The following FAN1 variants were observed in gnomAD, a reference collection of about 807,000 sequenced individuals.
The protein encoded by FAN1 is FANCD2 and FANCI associated nuclease 1.
A neutral mutation model predicts 104.9 loss-of-function variants in FAN1; 91 were observed. That is an observed-to-expected ratio of 0.87 (90% CI 0.73 to 1.03). The LOEUF is 1.03. Among genes scored for constraint, FAN1 ranks in the 50% least tolerant of loss-of-function variants. The pLI, the probability that FAN1 is intolerant of heterozygous loss-of-function variation, is 0.00. For synonymous variants in FAN1, 478 were observed against 457.6 expected (o/e 1.04, Z -0.57); for missense variants, 1,263 against 1,239.9 (o/e 1.02, Z -0.28).
Position 30,930,593 on chromosome 15 carries a change from C to A in FAN1, c.2838C>A (p.His946Gln). The A allele has an allele frequency of 6.2e-7, 1 of 1,612,964 alleles. No homozygotes were observed. Among genetic ancestry groups the A allele is most frequent in the Non-Finnish European group, 8.5e-7 (1 of 1,179,602 alleles). Residue 946 changes from histidine (H) to glutamine (Q), a missense_variant, in exon 13 of 15, where the codon CAC becomes CAA. Coordinates refer to ENST00000362065, the MANE Select transcript of FAN1 (RefSeq NM_014967.5). Reference protein sequence around the residue: ...GGPVLSGVCRHLAADFRHCRG... With the variant: ...GGPVLSGVCRQLAADFRHCRG... ...CTGTGCTCAGTGGTGTGTGCAGGCA[C>A]CTGGCTGCTGACTTTCGACACTGTC...
chr15:30,918,452 T>A (rs1222792251), intron 6 of FAN1, among the ~76,000 whole-genome samples, 157 bp downstream of exon 6: 6 of 152,218 alleles, frequency 3.9e-5, no homozygotes, highest in African/African-American at 1.4e-4. Context: ...AGAATGAAAG[T>A]GCTGTGTGAA....
intron 14 of FAN1, 143 bp from the exon 15 acceptor site, chr15:30,941,423 G>A (rs754509244): frequency 6.4e-7 from 1 of 1,565,774 alleles, no homozygotes; most frequent in Non-Finnish European, 8.6e-7. Flanking sequence ...TAATTCAGAG[G>A]AAAAAAGTTG....
intron 10 of FAN1, 29 bp from the exon 11 acceptor site, chr15:30,928,524 G>GTGTC: frequency 1.2e-6 from 2 of 1,610,686 alleles, no homozygotes; most frequent in South Asian, 1.1e-5. Context: ...GTGTGTGTGT[G>GTGTC]TGTGTGTGTG....
chr15:30,918,598 G>T (rs1047132380), intron 6 of FAN1, among the ~76,000 whole-genome samples: 1 of 152,158 alleles, frequency 6.6e-6, no homozygotes, highest in Non-Finnish European at 1.5e-5. Context: ...CTGGTGAGCT[G>T]AACTGAAACG....
chr15:30,908,119 T>C lies in FAN1; in HGVS notation c.1236T>C (p.Ala412=), dbSNP rs761736097. Residue 412 remains alanine, a splice_region_variant and synonymous_variant, in exon 3 of 15, where the codon GCT becomes GCC. Transcript: ENST00000362065. ...GIVTKFYQLS[A]TGQKLYVRLF... is the part of the protein sequence containing the mutation. ...ACATTTTTCTTAACTTTATTGCAGCTACTGGTCAGAAGTTATATGTAAGGC... is the reference window on the plus strand; with the variant it reads ...ACATTTTTCTTAACTTTATTGCAGCCACTGGTCAGAAGTTATATGTAAGGC... 6.9e-6 allele frequency: 11 copies of C among 1,594,572 alleles called. No individual in the cohort carries two copies. In the Admixed American group the frequency reaches 1.5e-4, roughly 21 times the overall value.
At position 30,941,599 on chromosome 15, in the gene FAN1, G is replaced by A. The variant is rs912300426; in HGVS notation, c.*37G>A. 4 of 1,599,686 alleles carry A rather than the reference G, an allele frequency of 2.5e-6. No individual in the cohort carries two copies. Among genetic ancestry groups the A allele is most frequent in the African/African-American group, 2.7e-5 (2 of 74,780 alleles). On this transcript the variant is annotated 3_prime_UTR_variant, in exon 15 of 15. Transcript: ENST00000362065. ...CAGGAGAAAATGGAAATGAGGAGGA[G>A]AGAAACTCCGGTGTCCCCGAGGTGT... is the stretch of plus-strand genomic sequence containing the variant.
chr15:30,914,194 A>G, intron 5 of FAN1, 103 bp downstream of exon 5: 2 of 783,730 alleles, frequency 2.6e-6, no homozygotes, highest in Non-Finnish European at 4.1e-6. Flanking sequence ...TTAAGTCCAC[A>G]GCCAAAACAG....
rs1261845817 is a variant in FAN1, at chr15:30,905,818, C to T, written c.1155C>T (p.Thr385=). The T allele has an allele frequency of 1.2e-5, 19 of 1,613,964 alleles. No homozygotes were observed. Among genetic ancestry groups the T allele is most frequent in the African/African-American group, 6.7e-5 (5 of 74,902 alleles). ...YLRSFLVVLK[T]VLENEDDMLL... ...GGAGTTTCCTTGTGGTGCTGAAAAC[C>T]GTACTTGAGAATGAAGATGATATGT... The change falls in exon 2 of 15, where the codon ACC becomes ACT. Residue 385 remains threonine, a synonymous_variant. Coordinates refer to ENST00000362065, the MANE Select transcript of FAN1 (RefSeq NM_014967.5).
chr15:30,931,393 T>C (rs1469472812), intron 13 of FAN1, among the ~76,000 whole-genome samples: 2 of 152,252 alleles, frequency 1.3e-5, no homozygotes, highest in Non-Finnish European at 1.5e-5. Flanking sequence ...TTTCATTTTC[T>C]TAATAGTGTC....
chr15:30,919,345 A>C (rs112073167), intron 6 of FAN1, among the ~76,000 whole-genome samples: 5,629 of 136,834 alleles, frequency 0.041, 166 homozygotes, highest in Non-Finnish European at 0.06. Flanking sequence ...ACGCCATTGC[A>C]CTCCAGCCTG....
chr15:30,930,996 G>C (rs376089993), intron 13 of FAN1, among the ~76,000 whole-genome samples: 2 of 152,160 alleles, frequency 1.3e-5, no homozygotes, highest in African/African-American at 4.8e-5. Context: ...GGGTCACAAC[G>C]GGTGTGGACA....
chr15:30,926,641 T>C (rs2062470555), intron 10 of FAN1: 8 of 985,220 alleles, frequency 8.1e-6, no homozygotes, highest in Non-Finnish European at 9.6e-6. Flanking sequence ...GACGTGCAAA[T>C]GCCAGTGAAG....
intron 2 of FAN1, among the ~76,000 whole-genome samples, chr15:30,906,658 AAG>A (rs2061986433): frequency 6.6e-6 from 1 of 152,214 alleles, no homozygotes; most frequent in South Asian, 2.1e-4. Flanking sequence ...GTAGATAAAA[AAG>A]AGAAAAATCC....
intron 4 of FAN1, 148 bp downstream of exon 4, chr15:30,910,963 C>T: frequency 7.4e-7 from 1 of 1,352,972 alleles, no homozygotes; most frequent in Non-Finnish European, 9.5e-7. Context: ...ATTGCAATAG[C>T]CTGGATTCTT....
In FAN1 at chr15:30,921,211, T is replaced by C. The variant is rs183083062; in HGVS notation, c.2052+558T>C. Among the ~76,000 whole-genome samples the C allele has an allele frequency of 1.5e-3, 232 of 152,278 alleles. 3 individuals carry two copies. The highest frequency in any genetic ancestry group is 0.015 in the East Asian group (75 of 5,170). ...GTTTGCCTGTGTGTTGATGAATCTG[T>C]GTCCCAGGATGGCCTGGGGGTGGCG... On this transcript the variant is annotated intron_variant, in intron 7 of 14. Coordinates refer to ENST00000362065, the MANE Select transcript of FAN1 (RefSeq NM_014967.5).
In FAN1 at chr15:30,908,238, A is replaced by G; in HGVS notation, c.1355A>G (p.Asn452Ser). Residue 452 changes from asparagine (N) to serine (S), a missense_variant, in exon 3 of 15, where the codon AAT (asparagine) becomes AGT (serine). Transcript: ENST00000362065. ...DLTPVIEELT[N>S]AGFLQTESEL... ...ACACCTGTGATTGAAGAATTGACGA[A>G]TGCAGGCTTTCTACAGACAGGTATG... 1 of 1,606,862 alleles carries G rather than the reference A, an allele frequency of 6.2e-7. No individual in the cohort carries two copies. The highest frequency in any genetic ancestry group is 8.5e-7 in the Non-Finnish European group (1 of 1,177,144).
chr15:30,904,648 A>G lies in FAN1; in HGVS notation c.-16A>G. The G allele has an allele frequency of 1.2e-6, 2 of 1,608,072 alleles. No individual in the cohort carries two copies. The highest frequency in any genetic ancestry group is 1.7e-6 in the Non-Finnish European group (2 of 1,177,720). ...CTGTGTTTTATTGCTCAGAACATCC[A>G]GTTTTTCTAATACTCATGATGTCAG... On this transcript the variant is annotated 5_prime_UTR_variant, in exon 2 of 15. Transcript: ENST00000362065.
chr15:30,929,689 TATA>T (rs1192719766), intron 12 of FAN1, among the ~76,000 whole-genome samples: 1 of 114,574 alleles, frequency 8.7e-6, no homozygotes, highest in Non-Finnish European at 1.6e-5. Flanking sequence ...ATATAATATA[TATA>T]AAATATATAT....
chr15:30,924,381 T>A (rs1281450945), intron 8 of FAN1, among the ~76,000 whole-genome samples: 1 of 152,250 alleles, frequency 6.6e-6, no homozygotes. Context: ...GTGGTGATTC[T>A]GTGTTGAGCT....
Sources: gnomAD v4.1 joint callset for allele counts (sites outside exome capture counted in the v4.1 genomes callset) on GRCh38, gnomAD v4.1.1 for gene constraint, MANE v1.5 for transcripts, NCBI Gene and HGNC (gene_info 2026-07-23, HGNC 2026-07-21) for gene names.